The following KIAA1217 variants were observed in gnomAD, a reference collection of about 807,000 sequenced individuals.
KIAA1217 encodes the protein sickle tail protein homolog.
A neutral mutation model predicts 163.9 loss-of-function variants in KIAA1217; 88 were observed. The ratio of observed to expected loss-of-function variants is 0.54; its 90% CI spans 0.45 to 0.64. The LOEUF (loss-of-function observed/expected upper bound fraction) is 0.64. Among genes scored for constraint, KIAA1217 ranks in the 30% least tolerant of loss-of-function variants. KIAA1217 has a pLI of 0.00. For synonymous variants in KIAA1217, 903 were observed against 923.1 expected (o/e 0.98, Z 0.39); for missense variants, 2,372 against 2,475.0 (o/e 0.96, Z 0.88).
intron 10 of KIAA1217, among the ~76,000 whole-genome samples, chr10:24,515,685 T>G (rs2070013545): frequency 6.6e-6 from 1 of 152,168 alleles, no homozygotes; most frequent in Non-Finnish European, 1.5e-5. Flanking sequence ...AAAGAGAGAC[T>G]AACCCAGGGA....
intron 2 of KIAA1217, among the ~76,000 whole-genome samples, chr10:24,073,469 C>T (rs2061260913): frequency 6.6e-6 from 1 of 152,144 alleles, no homozygotes; most frequent in Non-Finnish European, 1.5e-5. Context: ...TGCAAGGGTT[C>T]TTGGCTGCAT....
intron 2 of KIAA1217, among the ~76,000 whole-genome samples, chr10:24,015,449 A>G (rs1245440088): frequency 2.6e-5 from 4 of 151,990 alleles, no homozygotes; most frequent in African/African-American, 9.7e-5. Context: ...GAGGTTTATG[A>G]CCAGGTCTAG....
At chr10:23,820,324 C>CA (rs1837560869) in intron 1 of KIAA1217, among the ~76,000 whole-genome samples, 1 of 152,106 alleles carries the variant, frequency 6.6e-6, no homozygotes, top group Non-Finnish European at 1.5e-5. Context: ...TTTAAAATTC[C>CA]AACAATTTTG....
At chr10:24,018,504 C>G (rs1847588448) in intron 2 of KIAA1217, among the ~76,000 whole-genome samples, 1 of 151,806 alleles carries the variant, frequency 6.6e-6, no homozygotes, top group Non-Finnish European at 1.5e-5. Context: ...CACATGTATA[C>G]ATATGTAACA....
chr10:24,009,103 G>A (rs74124881), intron 2 of KIAA1217, among the ~76,000 whole-genome samples: 5,705 of 152,202 alleles, frequency 0.037, 280 homozygotes, highest in African/African-American at 0.12. Flanking sequence ...AATTGGGATT[G>A]GAGGGCACTA....
intron 1 of KIAA1217, among the ~76,000 whole-genome samples, chr10:24,000,812 C>T (rs1846705931): frequency 6.6e-6 from 1 of 152,226 alleles, no homozygotes; most frequent in Admixed American, 6.5e-5. Flanking sequence ...GGGGCTTCAC[C>T]CCAGGTCGAG....
chr10:24,153,422 C>A (rs187662720), intron 2 of KIAA1217, among the ~76,000 whole-genome samples: 1 of 152,202 alleles, frequency 6.6e-6, no homozygotes, highest in Non-Finnish European at 1.5e-5. Context: ...ATATGTCTTT[C>A]AGAAGGCACT....
intron 2 of KIAA1217, among the ~76,000 whole-genome samples, chr10:24,060,694 G>T (rs529044882): frequency 2.8e-4 from 43 of 152,258 alleles, no homozygotes; most frequent in African/African-American, 1.0e-3. Context: ...TACTTGGGAG[G>T]CTGAGGCAGG....
intron 2 of KIAA1217, among the ~76,000 whole-genome samples, chr10:24,162,775 T>C (rs367762686): frequency 6.6e-6 from 1 of 152,282 alleles, no homozygotes; most frequent in South Asian, 2.1e-4. Context: ...GCTAGGGCTA[T>C]AGGTGTGTGA....
At chr10:24,209,134 T>C (rs530786047), upstream of KIAA1217, 3 of 1,534,602 alleles carry the variant, frequency 2.0e-6, no homozygotes, top group East Asian at 6.8e-5. Context: ...TTCTGGGAGC[T>C]TTTAGAACTG....
chr10:23,704,076 C>A (rs1836679961), intron 1 of KIAA1217, among the ~76,000 whole-genome samples: 1 of 144,204 alleles, frequency 6.9e-6, no homozygotes, highest in African/African-American at 2.6e-5. Flanking sequence ...TATATATACA[C>A]AATATATATG....
chr10:24,097,391 A>G (rs2062205741), intron 2 of KIAA1217, among the ~76,000 whole-genome samples: 1 of 152,102 alleles, frequency 6.6e-6, no homozygotes, highest in South Asian at 2.1e-4. Flanking sequence ...ATCTCTGAAA[A>G]CACAAAAAAA....
intron 1 of KIAA1217, among the ~76,000 whole-genome samples, chr10:23,865,341 T>C (rs1245548283): frequency 1.3e-5 from 2 of 152,192 alleles, no homozygotes; most frequent in Non-Finnish European, 2.9e-5. Flanking sequence ...AAGTTGAGCA[T>C]CTTTTTATTT....
chr10:24,274,097 A>G (rs2077036238), intron 2 of KIAA1217, among the ~76,000 whole-genome samples: 1 of 152,240 alleles, frequency 6.6e-6, no homozygotes, highest in Non-Finnish European at 1.5e-5. Flanking sequence ...GTAATGACTA[A>G]TAGCATACAT....
intron 2 of KIAA1217, among the ~76,000 whole-genome samples, chr10:24,335,584 T>TTTTTTTTATTTATTTA (rs1554820370): frequency 7.2e-6 from 1 of 138,398 alleles, no homozygotes. Context: ...TTTTATCTTA[T>TTTTTTTTATTTATTTA]TTTATTTATT....
chr10:23,841,592 T>G (rs1838786795), intron 1 of KIAA1217, among the ~76,000 whole-genome samples: 1 of 152,084 alleles, frequency 6.6e-6, no homozygotes, highest in Admixed American at 6.6e-5. Flanking sequence ...TTTTTTTCAT[T>G]TTCTTCTAGG....
At position 23,992,740 on chromosome 10, in the gene KIAA1217, C is replaced by G. The variant is rs183379855; in HGVS notation, c.-320-14485C>G. On this transcript the variant is annotated intron_variant, in intron 1 of 18. Transcript: ENST00000376462. The stretch of plus-strand genomic sequence containing the variant: ...CCCCTAACACTGTCAAAGTGGCATG[C>G]CTGTTGGCCCCTACAAATGCACGAG... 2.2e-4 allele frequency among the ~76,000 whole-genome samples: 33 copies of G among 151,640 alleles called. 2 individuals carry two copies. Among genetic ancestry groups the G allele is most frequent in the African/African-American group, 7.5e-4 (31 of 41,108 alleles).
At chr10:23,904,240 T>G (rs1335352712) in intron 1 of KIAA1217, among the ~76,000 whole-genome samples, 1 of 152,166 alleles carries the variant, frequency 6.6e-6, no homozygotes, top group African/African-American at 2.4e-5. Context: ...AGAAACACAG[T>G]GAATGCTCTG....
intron 2 of KIAA1217, among the ~76,000 whole-genome samples, chr10:24,179,555 C>A (rs756853591): frequency 3.3e-5 from 5 of 152,132 alleles, no homozygotes; most frequent in African/African-American, 7.2e-5. Context: ...CCTCTTCTCC[C>A]TTTAAATTGC....
Sources: allele counts gnomAD v4.1 joint callset (sites outside exome capture counted in the v4.1 genomes callset), GRCh38; gene constraint gnomAD v4.1.1; transcripts MANE v1.5; gene names NCBI Gene and HGNC (gene_info 2026-07-23, HGNC 2026-07-21).